The following SDK1 variants were observed in gnomAD, a reference collection of about 807,000 sequenced individuals.
The protein encoded by SDK1 is sidekick cell adhesion molecule 1, also known as protein sidekick-1.
In SDK1, 157 loss-of-function variants were observed where a neutral mutation model predicts 245.5. The observed-to-expected ratio is 0.64, with a 90% CI of 0.56 to 0.73. The LOEUF (loss-of-function observed/expected upper bound fraction) is 0.73. Among genes scored for constraint, SDK1 ranks in the 30% least tolerant of loss-of-function variants. The pLI is 0.00. For synonymous variants in SDK1, 1,647 were observed against 1,278.5 expected, an observed-to-expected ratio of 1.29 and a Z score of -6.15; for missense variants, 3,583 against 3,002.3, an observed-to-expected ratio of 1.19 and a Z score of -4.52.
At chr7:3,625,161 G>C (rs1387458235) in intron 2 of SDK1, among the ~76,000 whole-genome samples, 1 of 151,908 alleles carries the variant, frequency 6.6e-6, no homozygotes, top group Admixed American at 6.6e-5. Flanking sequence ...TAGATACAAT[G>C]AACAATTAAA....
At chr7:3,639,912 C>T (rs916542239) in intron 3 of SDK1, among the ~76,000 whole-genome samples, 3 of 152,092 alleles carry the variant, frequency 2.0e-5, no homozygotes, top group African/African-American at 7.2e-5. Context: ...TGCAGTGGCA[C>T]AAACATAGCT....
At chr7:3,546,274 A>T (rs1779221767) in intron 1 of SDK1, among the ~76,000 whole-genome samples, 1 of 151,442 alleles carries the variant, frequency 6.6e-6, no homozygotes. Context: ...GGCACTGGAA[A>T]CAGAAAAGCA....
intron 1 of SDK1, among the ~76,000 whole-genome samples, chr7:3,403,870 A>T (rs866243883): frequency 1.1e-3 from 97 of 84,692 alleles, no homozygotes; most frequent in Non-Finnish European, 1.7e-3. Context: ...TATATATATA[A>T]TATATATATT....
chr7:3,452,807 G>C (rs954951273), intron 1 of SDK1, among the ~76,000 whole-genome samples: 3 of 152,160 alleles, frequency 2.0e-5, no homozygotes, highest in African/African-American at 7.2e-5. Context: ...GCAGGGTGTT[G>C]TGATAAGAGT....
chr7:3,396,343 G>A (rs567191227), intron 1 of SDK1, among the ~76,000 whole-genome samples: 2 of 151,884 alleles, frequency 1.3e-5, no homozygotes, highest in South Asian at 2.1e-4. Context: ...ATGGCAGCTT[G>A]AAAAGAATGA....
chr7:3,675,225 C>T (rs118174936), intron 4 of SDK1, among the ~76,000 whole-genome samples: 2,165 of 152,276 alleles, frequency 0.014, 18 homozygotes, highest in Middle Eastern at 0.027. Context: ...GATCTTTCAC[C>T]CATAGCCACA....
intron 1 of SDK1, among the ~76,000 whole-genome samples, chr7:3,605,402 C>G (rs549369284): frequency 1.3e-5 from 2 of 152,242 alleles, no homozygotes; most frequent in African/African-American, 2.4e-5. Flanking sequence ...GGAAAAAATG[C>G]CCACAGTCGT....
chr7:4,065,033 A>G (rs1779781665), intron 19 of SDK1, among the ~76,000 whole-genome samples: 1 of 152,202 alleles, frequency 6.6e-6, no homozygotes, highest in Admixed American at 6.5e-5. Flanking sequence ...AATGATGTAT[A>G]TTTCAAAATA....
intron 1 of SDK1, among the ~76,000 whole-genome samples, chr7:3,335,977 AG>A (rs1780189467): frequency 6.6e-6 from 1 of 152,122 alleles, no homozygotes; most frequent in South Asian, 2.1e-4. Context: ...AGAAATGACA[AG>A]GGTGTCAGTT....
intron 1 of SDK1, among the ~76,000 whole-genome samples, chr7:3,367,462 C>T (rs188083176): frequency 1.3e-5 from 2 of 152,322 alleles, no homozygotes; most frequent in Non-Finnish European, 2.9e-5. Flanking sequence ...TGGTTTCTTT[C>T]CTCAGTCAAT....
chr7:3,406,808 C>T (rs1779067005), intron 1 of SDK1, among the ~76,000 whole-genome samples: 1 of 152,140 alleles, frequency 6.6e-6, no homozygotes, highest in Non-Finnish European at 1.5e-5. Flanking sequence ...TGCGTGTATA[C>T]ATCCATATAC....
chr7:3,544,857 C>T (rs1412538580), intron 1 of SDK1, among the ~76,000 whole-genome samples: 1 of 152,168 alleles, frequency 6.6e-6, no homozygotes, highest in African/African-American at 2.4e-5. Context: ...CACAGTTACC[C>T]AGGGACTCAG....
intron 4 of SDK1, among the ~76,000 whole-genome samples, chr7:3,819,054 A>G (rs944934714): frequency 3.3e-5 from 5 of 152,228 alleles, no homozygotes; most frequent in Non-Finnish European, 5.9e-5. Context: ...AGTTACCAGA[A>G]TTTAAAATTA....
chr7:3,452,249 C>G (rs1427111495), intron 1 of SDK1, among the ~76,000 whole-genome samples: 1 of 152,094 alleles, frequency 6.6e-6, no homozygotes, highest in Non-Finnish European at 1.5e-5. Flanking sequence ...CTCAAGGACT[C>G]TAGGATGGTG....
At chr7:3,841,956 C>G (rs968202340) in intron 5 of SDK1, among the ~76,000 whole-genome samples, 2 of 152,212 alleles carry the variant, frequency 1.3e-5, no homozygotes, top group African/African-American at 2.4e-5. Context: ...CAGGTGGCCT[C>G]AGACTACTCT....
At chr7:4,079,627 A>G (rs1439980007) in intron 22 of SDK1, 43 bp downstream of exon 22, 1 of 1,610,718 alleles carries the variant, frequency 6.2e-7, no homozygotes, top group South Asian at 1.1e-5. Flanking sequence ...TGCGAAGAGC[A>G]GTGTTGGGGC....
intron 4 of SDK1, among the ~76,000 whole-genome samples, chr7:3,769,626 T>C (rs1414952524): frequency 6.6e-6 from 1 of 152,070 alleles, no homozygotes; most frequent in African/African-American, 2.4e-5. Flanking sequence ...TCTTGCAGAA[T>C]TGCACTGGAA....
At chr7:3,823,234 A>G (rs1279870510) in intron 5 of SDK1, among the ~76,000 whole-genome samples, 2 of 152,236 alleles carry the variant, frequency 1.3e-5, no homozygotes, top group Non-Finnish European at 2.9e-5. Flanking sequence ...AAATTGTATT[A>G]TCAAATAGAT....
intron 5 of SDK1, among the ~76,000 whole-genome samples, chr7:3,849,171 G>C (rs539277251): frequency 6.6e-6 from 1 of 152,072 alleles, no homozygotes; most frequent in Non-Finnish European, 1.5e-5. Context: ...TCCTCTGCTG[G>C]ACTGTTCTTG....
Sources: allele counts gnomAD v4.1 joint callset (sites outside exome capture counted in the v4.1 genomes callset), GRCh38; gene constraint gnomAD v4.1.1; transcripts MANE v1.5; gene names NCBI Gene and HGNC (gene_info 2026-07-23, HGNC 2026-07-21).